Variants in SCFD2 observed in about 807,000 individuals in gnomAD.
SCFD2 encodes the protein sec1 family domain-containing protein 2.
A neutral mutation model predicts 58.9 loss-of-function variants in SCFD2; 54 were observed. That is an observed-to-expected ratio of 0.92 (90% CI 0.74 to 1.15). SCFD2 has a LOEUF of 1.15. SCFD2 is among the 50% of genes most tolerant of loss of function. The pLI is 0.00. For missense variants in SCFD2, 805 were observed against 836.6 expected, an observed-to-expected ratio of 0.96 and a Z score of 0.47; for synonymous variants, 321 against 335.9, an observed-to-expected ratio of 0.96 and a Z score of 0.49.
intron 5 of SCFD2, among the ~76,000 whole-genome samples, chr4:53,038,823 G>T (rs1481631150): frequency 1.3e-5 from 2 of 151,728 alleles, no homozygotes. Flanking sequence ...TGAGTAGCTG[G>T]GACTATAGTC....
intron 4 of SCFD2, among the ~76,000 whole-genome samples, chr4:53,253,651 A>T (rs1729740987): frequency 6.7e-6 from 1 of 149,274 alleles, no homozygotes; most frequent in Non-Finnish European, 1.5e-5. Context: ...AAAAAACCAA[A>T]CACCACATGT....
intron 5 of SCFD2, chr4:52,948,232 C>T (rs1243185503): frequency 1.1e-5 from 3 of 265,398 alleles, no homozygotes; most frequent in Non-Finnish European, 1.5e-5. Flanking sequence ...TCTGTTAATG[C>T]GCTTTCTCTT....
chr4:53,181,490 T>G (rs567990118), intron 4 of SCFD2, among the ~76,000 whole-genome samples: 1 of 152,188 alleles, frequency 6.6e-6, no homozygotes, highest in East Asian at 1.9e-4. Flanking sequence ...AAATTAGGTA[T>G]GGATGGGATG....
rs565827609 is a variant in SCFD2 at position 53,049,607 on chromosome 4, G to T, written c.1561+95726C>A. Among the ~76,000 whole-genome samples the T allele has an allele frequency of 1.8e-4, 27 of 152,134 alleles. No individual in the cohort carries two copies. In the South Asian group the frequency reaches 5.6e-3, roughly 32 times the overall value. On this transcript the variant is annotated intron_variant, in intron 5 of 8. Transcript: ENST00000401642. ...TGCCATTAGCTATCGTCTCCTCCTT[G>T]TTTTGTTCCCAAATGACAGAATAAT...
chr4:52,912,326 T>C (rs1460360125), intron 6 of SCFD2, among the ~76,000 whole-genome samples: 3 of 151,934 alleles, frequency 2.0e-5, no homozygotes, highest in Non-Finnish European at 4.4e-5. Context: ...AAAAAAGACA[T>C]AAAATGGGAA....
At chr4:53,339,740 A>G (rs1733804606) in intron 2 of SCFD2, among the ~76,000 whole-genome samples, 1 of 152,176 alleles carries the variant, frequency 6.6e-6, no homozygotes, top group Non-Finnish European at 1.5e-5. Flanking sequence ...ACTGCACTCC[A>G]ACCTAGGCAA....
intron 5 of SCFD2, among the ~76,000 whole-genome samples, chr4:52,947,075 T>C (rs1560489689): frequency 6.6e-6 from 1 of 152,134 alleles, no homozygotes; most frequent in African/African-American, 2.4e-5. Context: ...TCCTGCACTG[T>C]TCTTACAGGC....
intron 4 of SCFD2, among the ~76,000 whole-genome samples, chr4:53,179,914 A>G (rs1311766857): frequency 1.3e-5 from 2 of 152,248 alleles, no homozygotes. Context: ...AGGCCATTAC[A>G]TAATGGTAAA....
intron 5 of SCFD2, among the ~76,000 whole-genome samples, chr4:52,972,122 A>G (rs1361075713): frequency 6.6e-6 from 1 of 152,198 alleles, no homozygotes; most frequent in Non-Finnish European, 1.5e-5. Context: ...CAAGCAAAAT[A>G]ACCAGCTAAC....
At position 52,983,730 on chromosome 4, in the gene SCFD2, C is replaced by G. The variant is rs138104009; in HGVS notation, c.1562-62860G>C. On this transcript the variant is annotated intron_variant, in intron 5 of 8. Transcript: ENST00000401642. The stretch of plus-strand genomic sequence containing the variant: ...ATTCCCATGTCTAAAACTGTGAAAC[C>G]CATCTAGATAATGAAAATGGTGCCC... Among the ~76,000 whole-genome samples, 88 of 152,172 alleles carry G rather than the reference C, an allele frequency of 5.8e-4. 1 individual carries two copies. Among genetic ancestry groups the G allele is most frequent in the African/African-American group, 2.0e-3 (84 of 41,510 alleles).
intron 6 of SCFD2, among the ~76,000 whole-genome samples, chr4:52,909,999 T>TTTGG: frequency 6.6e-6 from 1 of 152,340 alleles, no homozygotes; most frequent in African/African-American, 2.4e-5. Context: ...TTAAAGCTCC[T>TTTGG]CCACAAGAAG....
At chr4:53,258,724 T>C (rs1730737035) in intron 4 of SCFD2, among the ~76,000 whole-genome samples, 1 of 151,848 alleles carries the variant, frequency 6.6e-6, no homozygotes, top group South Asian at 2.1e-4. Context: ...ATGACTTCTT[T>C]TCCTCTGGGT....
intron 5 of SCFD2, among the ~76,000 whole-genome samples, chr4:52,927,157 C>CATGGAAAAT (rs1248589907): frequency 1.6e-4 from 24 of 152,146 alleles, no homozygotes; most frequent in Admixed American, 5.2e-4. Context: ...AGAGGAGGAT[C>CATGGAAAAT]ATGGAAAATC....
intron 4 of SCFD2, among the ~76,000 whole-genome samples, chr4:53,171,585 C>A (rs1272291483): frequency 2.0e-5 from 3 of 152,120 alleles, no homozygotes; most frequent in Admixed American, 6.5e-5. Context: ...GGCATTAGTT[C>A]TTTTTTAAAT....
At chr4:53,319,176 ATGGAG>A (rs1298552069) in intron 2 of SCFD2, among the ~76,000 whole-genome samples, 2 of 152,208 alleles carry the variant, frequency 1.3e-5, no homozygotes, top group Non-Finnish European at 2.9e-5. Context: ...ACAGGATGGA[ATGGAG>A]TGAAGAGTAA....
chr4:53,295,863 T>G (rs1023223864), intron 3 of SCFD2, among the ~76,000 whole-genome samples: 1 of 152,232 alleles, frequency 6.6e-6, no homozygotes, highest in African/African-American at 2.4e-5. Flanking sequence ...TTGAATTTTG[T>G]CAAAGGTGTT....
chr4:53,365,574 G>A lies in SCFD2; in HGVS notation c.368C>T (p.Ala123Val). 1 of 1,614,044 alleles carries A rather than the reference G, an allele frequency of 6.2e-7. No homozygotes were observed. The highest frequency in any genetic ancestry group is 1.3e-5 in the African/African-American group (1 of 75,064). Reference protein sequence around the residue: ...LTANHVPAAAAAEMEGQQPVF... With the variant: ...LTANHVPAAAVAEMEGQQPVF... ...CGGCTGCTGCCCCTCCATCTCGGCC[G>A]CTGCCGCCGCTGGGACATGATTAGC... The change falls in exon 1 of 9, where the codon GCG becomes GTG. Residue 123 changes from alanine to valine, a missense_variant. Physicochemically the swap from Ala to Val is moderately conservative, Grantham distance 64. Around this residue, in one of 3 missense-constraint regions of SCFD2, gnomAD observed 17 missense variants for 40.1 expected, o/e 0.42. Transcript: ENST00000401642. This position sits in a 1 kb window ranked among gnomAD's most constrained non-coding sequence, Gnocchi z 4.3.
intron 5 of SCFD2, among the ~76,000 whole-genome samples, chr4:53,062,573 T>A (rs1379071424): frequency 3.3e-5 from 5 of 152,140 alleles, no homozygotes; most frequent in Admixed American, 6.6e-5. Context: ...TGTTTAAGTA[T>A]CATGACTTAC....
intron 2 of SCFD2, among the ~76,000 whole-genome samples, chr4:53,315,860 AAGTT>A (rs1395377826): frequency 6.6e-6 from 1 of 152,192 alleles, no homozygotes; most frequent in Non-Finnish European, 1.5e-5. Context: ...AAATCACAGT[AAGTT>A]AGGTAACGTT....
Sources: allele counts gnomAD v4.1 joint callset (sites outside exome capture counted in the v4.1 genomes callset), GRCh38; gene constraint gnomAD v4.1.1; regional missense constraint gnomAD v4.1.1; non-coding constraint Gnocchi (gnomAD v3.1); transcripts MANE v1.5; gene names NCBI Gene and HGNC (gene_info 2026-07-23, HGNC 2026-07-21).